The following OSBPL3 variants were observed in gnomAD, a reference collection of about 807,000 sequenced individuals.
The protein encoded by OSBPL3 is oxysterol binding protein like 3, also known as oxysterol-binding protein-related protein 3.
A neutral mutation model predicts 120.1 loss-of-function variants in OSBPL3; 65 were observed. That is an observed-to-expected ratio of 0.54 (90% CI 0.44 to 0.67). The LOEUF is 0.67. OSBPL3 is among the 30% of genes least tolerant of loss of function. OSBPL3 has a pLI of 0.00. For synonymous variants in OSBPL3, 416 were observed against 402.6 expected (o/e 1.03, Z -0.40); for missense variants, 1,004 against 1,082.1 (o/e 0.93, Z 1.01).
chr7:24,854,502 G>GCACACACACACA lies in OSBPL3; in HGVS notation c.1028-1880_1028-1869dup, dbSNP rs70942889. 7.6e-6 allele frequency among the ~76,000 whole-genome samples: 1 copy of GCACACACACACA among 131,504 alleles called. No individual in the cohort carries two copies. Among genetic ancestry groups the GCACACACACACA allele is most frequent in the Non-Finnish European group, 1.7e-5 (1 of 58,136 alleles). 86.3% of individuals were successfully genotyped at this position (131,504 alleles called of 152,430 possible). A position where few individuals can be genotyped will look rare whatever the true frequency, so the allele number is the denominator to read the frequency against. ...CACAACAATTTGTACACACACACAC[G>GCACACACACACA]CACACACACACACACACACACACAC... On this transcript the variant is annotated intron_variant, in intron 10 of 22. Coordinates refer to ENST00000313367, the MANE Select transcript of OSBPL3 (RefSeq NM_015550.4). This position sits in a 1 kb window ranked among gnomAD's most constrained non-coding sequence, Gnocchi z 4.1.
intron 1 of OSBPL3, among the ~76,000 whole-genome samples, chr7:24,958,532 A>G (rs144777856): frequency 0.015 from 2,259 of 152,258 alleles, 53 homozygotes; most frequent in African/African-American, 0.052. Flanking sequence ...GTTCAAAGGC[A>G]TTTCAATGTT....
At chr7:24,857,674 A>G (rs1800007034) in intron 10 of OSBPL3, among the ~76,000 whole-genome samples, 1 of 152,192 alleles carries the variant, frequency 6.6e-6, no homozygotes, top group Non-Finnish European at 1.5e-5. Flanking sequence ...ATTATTTACA[A>G]TGTTTTTTAA....
chr7:24,926,894 T>C (rs540447472), intron 1 of OSBPL3, among the ~76,000 whole-genome samples: 1 of 152,328 alleles, frequency 6.6e-6, no homozygotes, highest in African/African-American at 2.4e-5. Flanking sequence ...GATGAACTAA[T>C]AATTGCATCC....
chr7:24,949,652 G>T (rs959324375), intron 1 of OSBPL3, among the ~76,000 whole-genome samples: 1 of 152,064 alleles, frequency 6.6e-6, no homozygotes, highest in African/African-American at 2.4e-5. Context: ...TGTCTCTTTT[G>T]TCCCCAGAGC....
rs150667560 is a variant in OSBPL3 at position 24,938,393 on chromosome 7, C to T, written c.-150+41493G>A. On this transcript the variant is annotated intron_variant, in intron 1 of 22. Coordinates refer to ENST00000313367, the MANE Select transcript of OSBPL3 (RefSeq NM_015550.4). The surrounding 1 kb of genome is among the most constrained non-coding windows in gnomAD (Gnocchi z 5.8). ...CCCATTTCTATTGTTTATAAATTAC[C>T]CGGTTTATGATATTTGTTATAGCAG... is the stretch of plus-strand genomic sequence containing the variant. Among the ~76,000 whole-genome samples the T allele has an allele frequency of 4.5e-3, 681 of 152,232 alleles. 3 individuals carry two copies. Among genetic ancestry groups the T allele is most frequent in the Middle Eastern group, 0.034 (10 of 294 alleles).
rs977146399 is a variant in OSBPL3, at chr7:24,912,500, G to A, written c.-149-19879C>T. On this transcript the variant is annotated intron_variant, in intron 1 of 22. Coordinates refer to ENST00000313367, the MANE Select transcript of OSBPL3 (RefSeq NM_015550.4). This position sits in a 1 kb window ranked among gnomAD's most constrained non-coding sequence, Gnocchi z 4.5. ...TCTAATAAACCATTCTGTGCTTACC[G>A]TTTTTCATCAAAGAACTCTGAGTAC... Among the ~76,000 whole-genome samples the A allele has an allele frequency of 4.6e-5, 7 of 152,094 alleles. No individual in the cohort carries two copies. The highest frequency in any genetic ancestry group is 1.4e-4 in the African/African-American group (6 of 41,402).
chr7:24,875,873 G>A (rs751834796), intron 2 of OSBPL3, among the ~76,000 whole-genome samples: 6 of 152,186 alleles, frequency 3.9e-5, no homozygotes, highest in Non-Finnish European at 7.4e-5. Context: ...CATTGGTTAC[G>A]TGGACGACAG....
chr7:24,814,285 C>A (rs61082881), intron 19 of OSBPL3, among the ~76,000 whole-genome samples: 1 of 59,782 alleles, frequency 1.7e-5, no homozygotes, highest in African/African-American at 2.1e-4. Flanking sequence ...AACGAGGTGG[C>A]GTGTGTGTAT....
intron 1 of OSBPL3, among the ~76,000 whole-genome samples, chr7:24,910,042 G>A (rs886595372): frequency 1.3e-5 from 2 of 152,034 alleles, no homozygotes; most frequent in African/African-American, 4.8e-5. Flanking sequence ...CTGACCTCAG[G>A]TGATCCACCT....
In OSBPL3 at chr7:24,798,326, C is replaced by T. The variant is rs1288520922; in HGVS notation, c.*1857G>A. ...GCCAATTTAACAGCCAATATTACCA[C>T]GATTCTACATTTATCCTCACACTGT... On this transcript the variant is annotated 3_prime_UTR_variant, in exon 23 of 23. Coordinates refer to ENST00000313367, the MANE Select transcript of OSBPL3 (RefSeq NM_015550.4). This position sits in a 1 kb window ranked among gnomAD's most constrained non-coding sequence, Gnocchi z 4.6. The T allele has an allele frequency of 6.6e-6, 1 of 152,180 alleles. No homozygotes were observed. Among genetic ancestry groups the T allele is most frequent in the African/African-American group, 2.4e-5 (1 of 41,440 alleles). The allele number at this position is 152,180 out of a possible 1,614,324, so 9.4% of individuals were successfully genotyped here. A position where few individuals can be genotyped will look rare whatever the true frequency, so the allele number is the denominator to read the frequency against.
chr7:24,924,339 G>A (rs939364054), intron 1 of OSBPL3, among the ~76,000 whole-genome samples: 1 of 152,062 alleles, frequency 6.6e-6, no homozygotes, highest in Non-Finnish European at 1.5e-5. Context: ...TCCTCTATAC[G>A]TTCTCTGTAT....
At chr7:24,890,658 C>T (rs976768787) in intron 2 of OSBPL3, among the ~76,000 whole-genome samples, 4 of 152,176 alleles carry the variant, frequency 2.6e-5, no homozygotes, top group African/African-American at 7.2e-5. Flanking sequence ...ATAAATTCTC[C>T]ACCTTCTCTG....
rs1028649834 is a variant in OSBPL3 at position 24,799,955 on chromosome 7, T to C, written c.*228A>G. Reference sequence around the variant, plus strand: ...TTTCATTTTTATTAAATAGTTTATATATAAAAAGAAATGTCAAGGTGTTCT... The same window carrying C: ...TTTCATTTTTATTAAATAGTTTATACATAAAAAGAAATGTCAAGGTGTTCT... On this transcript the variant is annotated 3_prime_UTR_variant, in exon 23 of 23. Coordinates refer to ENST00000313367, the MANE Select transcript of OSBPL3 (RefSeq NM_015550.4). The surrounding 1 kb of genome is among the most constrained non-coding windows in gnomAD (Gnocchi z 5.3). The C allele has an allele frequency of 8.5e-6, 2 of 234,436 alleles. No individual in the cohort carries two copies. Among genetic ancestry groups the C allele is most frequent in the African/African-American group, 4.5e-5 (2 of 44,306 alleles). 14.5% of individuals were successfully genotyped at this position (234,436 alleles called of 1,614,324 possible). A position where few individuals can be genotyped will look rare whatever the true frequency, so the allele number is the denominator to read the frequency against.
At position 24,862,821 on chromosome 7, in the gene OSBPL3, C is replaced by G. The variant is rs1462752572; in HGVS notation, c.870+379G>C. 6.6e-6 allele frequency among the ~76,000 whole-genome samples: 1 copy of G among 152,088 alleles called. No individual in the cohort carries two copies. The highest frequency in any genetic ancestry group is 6.5e-5 in the Admixed American group (1 of 15,272). On this transcript the variant is annotated intron_variant, in intron 9 of 22. Coordinates refer to ENST00000313367, the MANE Select transcript of OSBPL3 (RefSeq NM_015550.4). This position sits in a 1 kb window ranked among gnomAD's most constrained non-coding sequence, Gnocchi z 4.4. ...GAGGGATGACAAATCCATGGAGCAT[C>G]AGCGGAAGACACAGGTCACAGCACA...
chr7:24,863,756 C>T lies in OSBPL3; in HGVS notation c.674-157G>A, dbSNP rs1451454499. On this transcript the variant is annotated intron_variant, in intron 7 of 22. Coordinates refer to ENST00000313367, the MANE Select transcript of OSBPL3 (RefSeq NM_015550.4). The surrounding 1 kb of genome is among the most constrained non-coding windows in gnomAD (Gnocchi z 5.8). Reference sequence around the variant, plus strand: ...TTTACTTCCTTTTTTACAGGAAAGGCTGTAGACTCTAGTGGTTAAGGGCAT... The same window carrying T: ...TTTACTTCCTTTTTTACAGGAAAGGTTGTAGACTCTAGTGGTTAAGGGCAT... Among the ~76,000 whole-genome samples, 1 of 152,044 alleles carries T rather than the reference C, an allele frequency of 6.6e-6. No homozygotes were observed. The highest frequency in any genetic ancestry group is 1.5e-5 in the Non-Finnish European group (1 of 68,020).
intron 1 of OSBPL3, among the ~76,000 whole-genome samples, chr7:24,950,930 G>C (rs1311772294): frequency 6.6e-6 from 1 of 151,502 alleles, no homozygotes; most frequent in Non-Finnish European, 1.5e-5. Flanking sequence ...GACTGAACTT[G>C]AGTTGAAAAA....
rs543786107 is a variant in OSBPL3 at position 24,817,539 on chromosome 7, T to C, written c.1949-851A>G. On this transcript the variant is annotated intron_variant, in intron 17 of 22. Coordinates refer to ENST00000313367, the MANE Select transcript of OSBPL3 (RefSeq NM_015550.4). This position sits in a 1 kb window ranked among gnomAD's most constrained non-coding sequence, Gnocchi z 4.0. ...AAACAAAACTGAAAACGAAAAACAA[T>C]GGGCTCTCCAAGCCTGGCTAAGAGT... Among the ~76,000 whole-genome samples the C allele has an allele frequency of 6.6e-6, 1 of 152,092 alleles. No individual in the cohort carries two copies. Among genetic ancestry groups the C allele is most frequent in the East Asian group, 1.9e-4 (1 of 5,174 alleles).
In OSBPL3 at chr7:24,872,820, A is replaced by G. The variant is rs111323425; in HGVS notation, c.97-751T>C. ...ATTGAAAAAGAATTTTAAAAGAAAT[A>G]GAAGAACACTAAAAGTTCTGAAAAT... On this transcript the variant is annotated intron_variant, in intron 2 of 22. Transcript: ENST00000313367. The surrounding 1 kb of genome is among the most constrained non-coding windows in gnomAD (Gnocchi z 4.1). Among the ~76,000 whole-genome samples the G allele has an allele frequency of 2.0e-5, 3 of 152,342 alleles. No homozygotes were observed. The highest frequency in any genetic ancestry group is 7.2e-5 in the African/African-American group (3 of 41,582).
Position 24,937,517 on chromosome 7 carries a change from A to G in OSBPL3, c.-150+42369T>C, listed in dbSNP as rs1408442406. On this transcript the variant is annotated intron_variant, in intron 1 of 22. Transcript: ENST00000313367. This position sits in a 1 kb window ranked among gnomAD's most constrained non-coding sequence, Gnocchi z 4.0. ...TTATAGAATTTAATTTACTGAGTCC[A>G]TTATAGTTATTTATCCATCTTACTC... Among the ~76,000 whole-genome samples the G allele has an allele frequency of 6.6e-6, 1 of 152,194 alleles. No individual in the cohort carries two copies. The highest frequency in any genetic ancestry group is 1.5e-5 in the Non-Finnish European group (1 of 68,032).
Sources: allele counts gnomAD v4.1 joint callset (sites outside exome capture counted in the v4.1 genomes callset), GRCh38; gene constraint gnomAD v4.1.1; non-coding constraint Gnocchi (gnomAD v3.1); transcripts MANE v1.5; gene names NCBI Gene and HGNC (gene_info 2026-07-23, HGNC 2026-07-21).